WWOX: variants seen among roughly 807,000 people sequenced by gnomAD.
WWOX encodes the protein WW domain-containing oxidoreductase.
A neutral mutation model predicts 46.2 loss-of-function variants in WWOX; 69 were observed. The observed-to-expected ratio is 1.49, with a 90% CI of 1.23 to 1.82. The LOEUF (loss-of-function observed/expected upper bound fraction) is 1.82, where lower values mean the gene tolerates loss of function less well. Ranked by LOEUF, WWOX falls within the 40% of genes most tolerant of loss-of-function variation. WWOX has a pLI of 0.00. For missense variants in WWOX, 919 were observed against 542.6 expected, an observed-to-expected ratio of 1.69 and a Z score of -6.89; for synonymous variants, 359 against 202.6, an observed-to-expected ratio of 1.77 and a Z score of -6.56.
intron 5 of WWOX, among the ~76,000 whole-genome samples, chr16:78,190,018 T>C (rs548828278): frequency 6.6e-6 from 1 of 152,280 alleles, no homozygotes; most frequent in African/African-American, 2.4e-5. Flanking sequence ...TTGTGGCAGC[T>C]GTTATCTTGT....
chr16:78,892,328 C>G (rs1027308181), intron 8 of WWOX: 2 of 152,250 alleles, frequency 1.3e-5, no homozygotes, highest in Non-Finnish European at 2.9e-5. Flanking sequence ...AATCAAATGG[C>G]TTCTGCACCT....
chr16:78,421,285 A>T (rs949844597), intron 6 of WWOX, among the ~76,000 whole-genome samples: 5 of 152,160 alleles, frequency 3.3e-5, no homozygotes, highest in Non-Finnish European at 7.3e-5. Flanking sequence ...TGGAAGGAGC[A>T]TCTGTTCCAT....
At chr16:79,060,336 T>C (rs953073619) in intron 8 of WWOX, among the ~76,000 whole-genome samples, 1 of 152,234 alleles carries the variant, frequency 6.6e-6, no homozygotes, top group Non-Finnish European at 1.5e-5. Flanking sequence ...TTATAGCCCA[T>C]GTCCCTCTCC....
intron 8 of WWOX, among the ~76,000 whole-genome samples, chr16:78,990,722 G>A (rs1184688591): frequency 6.6e-6 from 1 of 151,816 alleles, no homozygotes; most frequent in Non-Finnish European, 1.5e-5. Flanking sequence ...GGAGGAAGGA[G>A]GGAGGGAGGG....
intron 5 of WWOX, among the ~76,000 whole-genome samples, chr16:78,214,717 A>C (rs1205888296): frequency 6.6e-6 from 1 of 152,138 alleles, no homozygotes; most frequent in Non-Finnish European, 1.5e-5. Flanking sequence ...CGCTCCATTC[A>C]GTTTGACCCT....
rs557092703 is a variant in WWOX, at chr16:78,451,366, A to G, written c.1056+18614A>G. 1.3e-4 allele frequency among the ~76,000 whole-genome samples: 20 copies of G among 152,282 alleles called. No homozygotes were observed. The South Asian group carries it at 1.7e-3, about 13-fold the overall frequency. On this transcript the variant is annotated intron_variant, in intron 8 of 8. Coordinates refer to ENST00000566780, the MANE Select transcript of WWOX (RefSeq NM_016373.4). ...AATAAAACAATTCACATTTCTTAGG[A>G]CTAATTTATTTTCCACAGTCCACTA...
At chr16:79,133,753 C>A (rs78452586) in intron 8 of WWOX, among the ~76,000 whole-genome samples, 3 of 152,112 alleles carry the variant, frequency 2.0e-5, no homozygotes, top group Non-Finnish European at 4.4e-5. Flanking sequence ...CTAATGGTGG[C>A]TGGTCAAACG....
intron 6 of WWOX, among the ~76,000 whole-genome samples, chr16:78,411,331 A>G (rs1302529012): frequency 2.0e-5 from 3 of 152,106 alleles, no homozygotes; most frequent in Admixed American, 6.5e-5. Flanking sequence ...GTGTTTATAT[A>G]TTGCTAATGG....
intron 8 of WWOX, among the ~76,000 whole-genome samples, chr16:78,950,795 A>T (rs1363047291): frequency 6.6e-6 from 1 of 152,172 alleles, no homozygotes; most frequent in African/African-American, 2.4e-5. Flanking sequence ...GGACTTTGGA[A>T]AACTTGAAGG....
chr16:78,953,172 T>C (rs1424265059), intron 8 of WWOX, among the ~76,000 whole-genome samples: 1 of 152,106 alleles, frequency 6.6e-6, no homozygotes, highest in African/African-American at 2.4e-5. Flanking sequence ...AGTTCAGCCG[T>C]GGTTCTGACC....
chr16:78,323,855 C>T (rs1317947632), intron 5 of WWOX, among the ~76,000 whole-genome samples: 1 of 152,130 alleles, frequency 6.6e-6, no homozygotes, highest in Non-Finnish European at 1.5e-5. Context: ...GAACCCAGTG[C>T]ATGCACTCTT....
At chr16:79,007,998 C>T (rs1022742489) in intron 8 of WWOX, among the ~76,000 whole-genome samples, 3 of 152,186 alleles carry the variant, frequency 2.0e-5, no homozygotes, top group African/African-American at 7.2e-5. Context: ...TCTCATAGCT[C>T]CATAGGTTAA....
At chr16:78,934,329 C>T (rs368636362) in intron 8 of WWOX, among the ~76,000 whole-genome samples, 614 of 48,738 alleles carry the variant, frequency 0.013, 9 homozygotes, top group African/African-American at 0.059. Flanking sequence ...CAGAGCAAGT[C>T]TCCGTCTCAA....
chr16:78,835,991 G>T (rs534237273), intron 8 of WWOX, among the ~76,000 whole-genome samples: 2 of 152,100 alleles, frequency 1.3e-5, no homozygotes, highest in African/African-American at 2.4e-5. Flanking sequence ...TCAAAGCCTC[G>T]TTATTCTTGT....
intron 5 of WWOX, among the ~76,000 whole-genome samples, chr16:78,188,362 C>T (rs1457451695): frequency 6.6e-6 from 1 of 151,878 alleles, no homozygotes; most frequent in Admixed American, 6.6e-5. Context: ...GTGGTGGGTG[C>T]CTGTAGTCCC....
At chr16:78,418,849 G>A (rs1367902730) in intron 6 of WWOX, among the ~76,000 whole-genome samples, 1 of 152,040 alleles carries the variant, frequency 6.6e-6, no homozygotes, top group East Asian at 1.9e-4. Flanking sequence ...AATTAATGCT[G>A]AAAGATTGAG....
At chr16:78,610,944 C>G (rs1338595567) in intron 8 of WWOX, among the ~76,000 whole-genome samples, 1 of 152,078 alleles carries the variant, frequency 6.6e-6, no homozygotes, top group Non-Finnish European at 1.5e-5. Flanking sequence ...AACGGAATTT[C>G]AGAGACATGT....
chr16:78,110,361 AG>A (rs1291265170), intron 3 of WWOX, among the ~76,000 whole-genome samples: 4 of 149,576 alleles, frequency 2.7e-5, no homozygotes, highest in Admixed American at 6.7e-5. Flanking sequence ...AAAAAAAAAA[AG>A]AGGGAATGCA....
intron 8 of WWOX, among the ~76,000 whole-genome samples, chr16:78,571,685 A>G (rs1255118225): frequency 1.3e-5 from 2 of 152,168 alleles, no homozygotes; most frequent in Non-Finnish European, 2.9e-5. Flanking sequence ...CCTGGCCAAC[A>G]TGGTGAAACC....
Sources: gnomAD v4.1 joint callset for allele counts (sites outside exome capture counted in the v4.1 genomes callset) on GRCh38, gnomAD v4.1.1 for gene constraint, MANE v1.5 for transcripts, NCBI Gene and HGNC (gene_info 2026-07-23, HGNC 2026-07-21) for gene names.